Variants in RAB11FIP4 observed in about 807,000 individuals in gnomAD.
The protein encoded by RAB11FIP4 is RAB11 family interacting protein 4.
A neutral mutation model predicts 74.3 loss-of-function variants in RAB11FIP4; 23 were observed. The observed-to-expected ratio is 0.31, with a 90% confidence interval of 0.22 to 0.44. RAB11FIP4 has a LOEUF of 0.44. Ranked by LOEUF, RAB11FIP4 falls within the 20% of genes least tolerant of loss-of-function variation. The pLI is 1.00. For synonymous variants in RAB11FIP4, 360 were observed against 359.9 expected (o/e 1.00, Z 0.00); for missense variants, 630 against 863.9 (o/e 0.73, Z 3.39).
chr17:31,412,073 C>CCAGAATT (rs2071102505), intron 1 of RAB11FIP4, among the ~76,000 whole-genome samples: 1 of 152,154 alleles, frequency 6.6e-6, no homozygotes, highest in African/African-American at 2.4e-5. Flanking sequence ...CCTGGGAGGA[C>CCAGAATT]CCACCAGAAT....
Position 31,445,662 on chromosome 17 carries a change from C to T in RAB11FIP4, c.336+11540C>T, listed in dbSNP as rs549573412. Reference sequence around the variant, plus strand: ...GTGCAATGGCGTGATCTCCGCTCACCGCAACCTCCGCCTCCTGGGTTCAAA... The same window carrying T: ...GTGCAATGGCGTGATCTCCGCTCACTGCAACCTCCGCCTCCTGGGTTCAAA... On this transcript the variant is annotated intron_variant, in intron 3 of 14. Transcript: ENST00000621161. Among the ~76,000 whole-genome samples the T allele has an allele frequency of 3.4e-3, 503 of 146,378 alleles. 2 individuals are homozygous for T. Among genetic ancestry groups the T allele is most frequent in the African/African-American group, 0.012 (468 of 39,420 alleles).
At chr17:31,472,053 T>C (rs188202099) in intron 3 of RAB11FIP4, among the ~76,000 whole-genome samples, 43 of 151,562 alleles carry the variant, frequency 2.8e-4, no homozygotes, top group Non-Finnish European at 5.4e-4. Flanking sequence ...TCCCAGCTAC[T>C]CGGAAGGCTG....
At chr17:31,492,574 C>T (rs574691157) in intron 3 of RAB11FIP4, among the ~76,000 whole-genome samples, 1 of 152,304 alleles carries the variant, frequency 6.6e-6, no homozygotes, top group Non-Finnish European at 1.5e-5. Context: ...CACTGGGTGG[C>T]AGGCTGCAGA....
intron 9 of RAB11FIP4, chr17:31,524,214 G>T (rs755630676): frequency 7.6e-5 from 41 of 540,242 alleles, no homozygotes; most frequent in Non-Finnish European, 1.2e-4. Context: ...TTGGCTCTAG[G>T]CCCAATGGAT....
At chr17:31,469,170 G>A (rs1430689216) in intron 3 of RAB11FIP4, among the ~76,000 whole-genome samples, 1 of 152,190 alleles carries the variant, frequency 6.6e-6, no homozygotes, top group Admixed American at 6.5e-5. Context: ...CCTGACACAT[G>A]CATTCATTAG....
At chr17:31,489,913 A>T (rs758146513) in intron 3 of RAB11FIP4, among the ~76,000 whole-genome samples, 1 of 152,126 alleles carries the variant, frequency 6.6e-6, no homozygotes, top group South Asian at 2.1e-4. Context: ...GCCGGAGGCG[A>T]GGGGCGGGAC....
intron 2 of RAB11FIP4, among the ~76,000 whole-genome samples, chr17:31,432,828 T>C (rs1249280865): frequency 6.6e-6 from 1 of 152,162 alleles, no homozygotes; most frequent in East Asian, 1.9e-4. Flanking sequence ...AAGCTGTTTA[T>C]CTGAGACAGT....
intron 3 of RAB11FIP4, among the ~76,000 whole-genome samples, chr17:31,488,764 GCC>G (rs2071950873): frequency 6.6e-6 from 1 of 152,200 alleles, no homozygotes; most frequent in Admixed American, 6.5e-5. Flanking sequence ...TGGGGCCGGG[GCC>G]CTGCCTCTCC....
intron 1 of RAB11FIP4, among the ~76,000 whole-genome samples, chr17:31,423,739 T>C (rs1338701207): frequency 6.6e-6 from 1 of 152,184 alleles, no homozygotes; most frequent in Non-Finnish European, 1.5e-5. Context: ...TTGGGGTCAG[T>C]TCCATGTATG....
In RAB11FIP4 at chr17:31,410,052, G is replaced by A. The variant is rs984660727; in HGVS notation, c.159+18041G>A. ...CTGTACTTCCTGGTGCCTCACCTGCGAAATTGGGATGCGATACTGTTCCCC... is the reference window on the plus strand; with the variant it reads ...CTGTACTTCCTGGTGCCTCACCTGCAAAATTGGGATGCGATACTGTTCCCC... On this transcript the variant is annotated intron_variant, in intron 1 of 14. Transcript: ENST00000621161. 3.9e-5 allele frequency among the ~76,000 whole-genome samples: 6 copies of A among 152,178 alleles called. No individual in the cohort carries two copies. The East Asian group carries it at 5.8e-4, about 15-fold the overall frequency.
At chr17:31,429,673 A>G (rs2071287174) in intron 1 of RAB11FIP4, among the ~76,000 whole-genome samples, 1 of 152,162 alleles carries the variant, frequency 6.6e-6, no homozygotes, top group Admixed American at 6.5e-5. Context: ...CTAAAAATAC[A>G]AAAATTACCT....
At chr17:31,415,426 G>A (rs1238250537) in intron 1 of RAB11FIP4, among the ~76,000 whole-genome samples, 1 of 152,160 alleles carries the variant, frequency 6.6e-6, no homozygotes. Flanking sequence ...CCCACTCCAA[G>A]GTCCCCAAGC....
intron 3 of RAB11FIP4, among the ~76,000 whole-genome samples, chr17:31,441,972 T>TTGGTTTCAACA (rs1305754992): frequency 6.6e-6 from 1 of 152,096 alleles, no homozygotes; most frequent in Non-Finnish European, 1.5e-5. Context: ...CAAATTTATA[T>TTGGTTTCAACA]ACCAGTTTCT....
At chr17:31,408,737 G>T (rs984382882) in intron 1 of RAB11FIP4, among the ~76,000 whole-genome samples, 2 of 152,198 alleles carry the variant, frequency 1.3e-5, no homozygotes, top group African/African-American at 4.8e-5. Flanking sequence ...AGGAGACATC[G>T]CCCCAACTGA....
chr17:31,523,875 C>A lies in RAB11FIP4; in HGVS notation c.1030-18C>A. On this transcript the variant is annotated intron_variant, in intron 8 of 14. Coordinates refer to ENST00000621161, the MANE Select transcript of RAB11FIP4 (RefSeq NM_032932.6). Reference sequence around the variant, plus strand: ...GCCTCAGAGGTCTTCTCCACCCCACCCCGGCCCCCTGCTGCAGGTAAGCTT... The same window carrying A: ...GCCTCAGAGGTCTTCTCCACCCCACACCGGCCCCCTGCTGCAGGTAAGCTT... 2 of 1,589,728 alleles carry A rather than the reference C, an allele frequency of 1.3e-6. No homozygotes were observed. The highest frequency in any genetic ancestry group is 1.7e-6 in the Non-Finnish European group (2 of 1,164,586).
intron 14 of RAB11FIP4, among the ~76,000 whole-genome samples, chr17:31,531,294 C>G (rs895712327): frequency 3.9e-5 from 6 of 152,144 alleles, no homozygotes; most frequent in Non-Finnish European, 8.8e-5. Flanking sequence ...GGGACTTTGT[C>G]AGTCTTGATT....
In RAB11FIP4 at chr17:31,521,810, G is replaced by C; in HGVS notation, c.759-105G>C. ...ACTCCCTGCCCCTCCCCCGTAACAA[G>C]GTTCAAAGGTACTGGGGACTCAAGT... is the stretch of plus-strand genomic sequence containing the variant. On this transcript the variant is annotated intron_variant, in intron 5 of 14. Transcript: ENST00000621161. 7 of 1,321,084 alleles carry C rather than the reference G, an allele frequency of 5.3e-6. No homozygotes were observed. The South Asian group carries it at 7.9e-5, about 15-fold the overall frequency. 81.8% of individuals were successfully genotyped at this position (1,321,084 alleles called of 1,614,324 possible).
chr17:31,479,739 C>T (rs1300028898), intron 3 of RAB11FIP4, among the ~76,000 whole-genome samples: 2 of 152,100 alleles, frequency 1.3e-5, no homozygotes, highest in Non-Finnish European at 2.9e-5. Flanking sequence ...ACAGAGGAGG[C>T]CAAAAGTTTG....
intron 3 of RAB11FIP4, among the ~76,000 whole-genome samples, chr17:31,506,241 T>C (rs574911740): frequency 6.6e-6 from 1 of 152,344 alleles, no homozygotes; most frequent in Admixed American, 6.5e-5. Context: ...AGAGTTTTAA[T>C]CCTACATAAT....
Sources: gnomAD v4.1 joint callset for allele counts (sites outside exome capture counted in the v4.1 genomes callset) on GRCh38, gnomAD v4.1.1 for gene constraint, MANE v1.5 for transcripts, NCBI Gene and HGNC (gene_info 2026-07-23, HGNC 2026-07-21) for gene names.